Variants in EFCAB5 observed in about 807,000 individuals in gnomAD.
EFCAB5 encodes the protein EF-hand calcium-binding domain-containing protein 5.
Under a neutral mutation model 167.9 loss-of-function variants are expected in EFCAB5, and 131 were observed. The ratio of observed to expected loss-of-function variants is 0.78; its 90% confidence interval spans 0.68 to 0.90. The LOEUF (loss-of-function observed/expected upper bound fraction) is 0.90. Ranked by LOEUF, EFCAB5 falls within the 40% of genes least tolerant of loss-of-function variation. The pLI, the probability that EFCAB5 is intolerant of heterozygous loss-of-function variation, is 0.00. For synonymous variants in EFCAB5, 574 were observed against 602.8 expected, an observed-to-expected ratio of 0.95 and a Z score of 0.70; for missense variants, 1,663 against 1,745.2, an observed-to-expected ratio of 0.95 and a Z score of 0.84.
intron 22 of EFCAB5, among the ~76,000 whole-genome samples, chr17:30,103,941 G>T (rs533030752): frequency 2.8e-4 from 43 of 152,326 alleles, no homozygotes; most frequent in African/African-American, 9.6e-4. Context: ...AACCCATGAG[G>T]TGGAGGTTGC....
intron 4 of EFCAB5, among the ~76,000 whole-genome samples, chr17:29,985,737 G>C (rs971208752): frequency 3.9e-5 from 6 of 152,204 alleles, no homozygotes; most frequent in African/African-American, 1.4e-4. Flanking sequence ...TCCACCCTGA[G>C]TGAGCCAGGT....
intron 1 of EFCAB5, 129 bp from the exon 2 acceptor site, chr17:29,942,111 A>G: frequency 1.2e-6 from 1 of 811,084 alleles, no homozygotes; most frequent in Non-Finnish European, 1.9e-6. Context: ...GTGTAATTTT[A>G]TTTCACATGA....
At chr17:29,961,618 A>T (rs1217036519) in intron 3 of EFCAB5, among the ~76,000 whole-genome samples, 1 of 151,958 alleles carries the variant, frequency 6.6e-6, no homozygotes, top group Non-Finnish European at 1.5e-5. Flanking sequence ...ACACAGTCTC[A>T]CTCTGTTGCC....
chr17:29,989,708 G>A (rs1233480967), intron 4 of EFCAB5, among the ~76,000 whole-genome samples: 1 of 152,168 alleles, frequency 6.6e-6, no homozygotes, highest in Non-Finnish European at 1.5e-5. Flanking sequence ...ATTCCAAGGG[G>A]AAAATCTTGG....
rs2071171833 is a variant in EFCAB5 at position 30,090,416 on chromosome 17, T to C, written c.3684-5T>C. ...ATCCTTGTGCTTATTTGGTTTTGAT[T>C]TCAGAGATTTCCTCTTTAAATGTAC... On this transcript the variant is annotated splice_region_variant and splice_polypyrimidine_tract_variant and intron_variant, in intron 19 of 22. Coordinates refer to ENST00000394835, the MANE Select transcript of EFCAB5 (RefSeq NM_198529.4). 3 of 1,609,370 alleles carry C rather than the reference T, an allele frequency of 1.9e-6. No individual in the cohort carries two copies. The highest frequency in any genetic ancestry group is 2.2e-5 in the South Asian group (2 of 90,308).
chr17:30,034,963 T>C (rs552938909), intron 8 of EFCAB5, among the ~76,000 whole-genome samples: 2 of 152,340 alleles, frequency 1.3e-5, no homozygotes, highest in East Asian at 3.9e-4. Context: ...AAATCTTTCA[T>C]GATGGGCTTG....
At chr17:29,962,119 A>G (rs1212280055) in intron 3 of EFCAB5, among the ~76,000 whole-genome samples, 3 of 152,124 alleles carry the variant, frequency 2.0e-5, no homozygotes, top group Admixed American at 6.5e-5. Context: ...GGTAGTGTGA[A>G]TCCTTCAAGT....
intron 17 of EFCAB5, among the ~76,000 whole-genome samples, chr17:30,081,455 G>A (rs1302805885): frequency 6.6e-6 from 1 of 152,122 alleles, no homozygotes; most frequent in African/African-American, 2.4e-5. Context: ...AGGCCTAAAT[G>A]TTTCTTGGGT....
At chr17:29,956,728 G>T (rs1013401189) in intron 3 of EFCAB5, among the ~76,000 whole-genome samples, 3 of 152,040 alleles carry the variant, frequency 2.0e-5, no homozygotes, top group Non-Finnish European at 2.9e-5. Flanking sequence ...AGATATAAAA[G>T]AGCACATACT....
Position 30,092,879 on chromosome 17 carries a change from G to T in EFCAB5, c.4264G>T (p.Asp1422Tyr). Residue 1422 changes from aspartate (D) to tyrosine (Y), a missense_variant, in exon 22 of 23, where the codon GAT becomes TAT. Asp to Tyr is a radical substitution (Grantham distance 160). Transcript: ENST00000394835. ...TTTAGTCAACAATATTTGTGCCTTTGATCCAACTGCCAAGCATGTGGAAGT... is the reference window on the plus strand; with the variant it reads ...TTTAGTCAACAATATTTGTGCCTTTTATCCAACTGCCAAGCATGTGGAAGT... ...KYLVNNICAF[D>Y]PTAKHVEVNV... 6.2e-7 allele frequency: 1 copy of T among 1,611,660 alleles called. No individual in the cohort carries two copies. Among genetic ancestry groups the T allele is most frequent in the South Asian group, 1.1e-5 (1 of 90,642 alleles).
At position 29,969,038 on chromosome 17, in the gene EFCAB5, G is replaced by C; in HGVS notation, c.438G>C (p.Lys146Asn). The C allele has an allele frequency of 2.5e-6, 4 of 1,598,516 alleles. No homozygotes were observed. The highest frequency in any genetic ancestry group is 3.4e-6 in the Non-Finnish European group (4 of 1,173,804). ...KENLKKELEK[K>N]AEKKLPRDNL... Reference sequence around the variant, plus strand: ...ATCTGAAGAAGGAACTAGAAAAAAAGGCTGAAAAAAAACTCCCTAGGGATA... The same window carrying C: ...ATCTGAAGAAGGAACTAGAAAAAAACGCTGAAAAAAAACTCCCTAGGGATA... The change falls in exon 4 of 23, where the codon AAG becomes AAC. Residue 146 changes from lysine (K) to asparagine (N), a missense_variant. Lys to Asn is a moderately conservative substitution (Grantham distance 94, BLOSUM62 0). Transcript: ENST00000394835.
At chr17:30,093,841 A>G (rs1380746594) in intron 22 of EFCAB5, among the ~76,000 whole-genome samples, 2 of 152,080 alleles carry the variant, frequency 1.3e-5, no homozygotes, top group Non-Finnish European at 2.9e-5. Context: ...CCAGATACCA[A>G]CCCTCTCTCC....
chr17:30,097,027 TATACATATACATATACATATAC>T (rs1394139371), intron 22 of EFCAB5, among the ~76,000 whole-genome samples: 4 of 118,092 alleles, frequency 3.4e-5, no homozygotes, highest in Admixed American at 8.8e-5. Flanking sequence ...TACATATACA[TATACATATACATATACATATAC>T]ATATATATAT....
At position 29,986,326 on chromosome 17, in the gene EFCAB5, T is replaced by C. The variant is rs187016371; in HGVS notation, c.768-6839T>C. Among the ~76,000 whole-genome samples, 336 of 152,350 alleles carry C rather than the reference T, an allele frequency of 2.2e-3. 2 individuals carry two copies. The highest frequency in any genetic ancestry group is 8.0e-3 in the African/African-American group (331 of 41,584). On this transcript the variant is annotated intron_variant, in intron 4 of 22. Transcript: ENST00000394835. ...ATATCATTTGAGGTTGAGGTGCCAC[T>C]ATATGGCCATGTTTCCAGATAATAG...
At chr17:30,033,870 A>G (rs1387293538) in intron 7 of EFCAB5, among the ~76,000 whole-genome samples, 2 of 152,244 alleles carry the variant, frequency 1.3e-5, no homozygotes, top group Non-Finnish European at 2.9e-5. Flanking sequence ...TATACCATAG[A>G]AAAACTGCAT....
intron 6 of EFCAB5, among the ~76,000 whole-genome samples, chr17:29,997,949 A>G (rs903923059): frequency 6.6e-6 from 1 of 152,104 alleles, no homozygotes; most frequent in Admixed American, 6.5e-5. Flanking sequence ...AAAAAAAAAA[A>G]ACCTCACTTG....
chr17:30,049,350 T>C (rs2070019331), intron 8 of EFCAB5, among the ~76,000 whole-genome samples: 2 of 151,954 alleles, frequency 1.3e-5, no homozygotes, highest in Admixed American at 1.3e-4. Context: ...CGTGGTGGCA[T>C]GCGCCTGTAG....
chr17:30,006,353 C>G (rs74341392), intron 7 of EFCAB5, among the ~76,000 whole-genome samples: 2 of 151,882 alleles, frequency 1.3e-5, no homozygotes, highest in African/African-American at 2.4e-5. Flanking sequence ...TTTTATTGCT[C>G]CCATGCTTAG....
rs1476809199 is a variant in EFCAB5 at position 29,999,897 on chromosome 17, C to T, written c.974-9C>T. ...ACTAACTAGCAAATAATCTTCATTC[C>T]ATAAATAGGATCACACTGCAAACAA... On this transcript the variant is annotated splice_polypyrimidine_tract_variant and intron_variant, in intron 6 of 22. Transcript: ENST00000394835. 1.3e-6 allele frequency: 2 copies of T among 1,564,780 alleles called. No individual in the cohort carries two copies. Among genetic ancestry groups the T allele is most frequent in the Non-Finnish European group, 1.7e-6 (2 of 1,151,908 alleles).
Sources: allele counts gnomAD v4.1 joint callset (sites outside exome capture counted in the v4.1 genomes callset), GRCh38; gene constraint gnomAD v4.1.1; transcripts MANE v1.5; gene names NCBI Gene and HGNC (gene_info 2026-07-23, HGNC 2026-07-21).